The following CLNK variants were observed in gnomAD, a reference collection of about 807,000 sequenced individuals.
The protein encoded by CLNK is cytokine dependent hematopoietic cell linker.
A neutral mutation model predicts 68.6 loss-of-function variants in CLNK; 74 were observed. The observed-to-expected ratio is 1.08, with a 90% CI of 0.89 to 1.31. CLNK has a LOEUF of 1.31. Ranked by LOEUF, CLNK falls within the 50% of genes most tolerant of loss-of-function variation. CLNK has a pLI of 0.00. For synonymous variants in CLNK, 198 were observed against 172.2 expected, an observed-to-expected ratio of 1.15 and a Z score of -1.17; for missense variants, 553 against 515.3, an observed-to-expected ratio of 1.07 and a Z score of -0.71.
the CLNK span, among the ~76,000 whole-genome samples, chr4:10,697,843 C>CT: frequency 6.6e-6 from 1 of 152,136 alleles, no homozygotes; most frequent in Non-Finnish European, 1.5e-5. Context: ...CTTGCCTTTG[C>CT]TTTTTTGAAT....
At chr4:10,724,896 C>T in the CLNK span, among the ~76,000 whole-genome samples, 64,977 of 151,980 alleles carry the variant, frequency 0.43, 14,718 homozygotes, top group Middle Eastern at 0.57. Flanking sequence ...GAAGAGAAAG[C>T]CTATTTAATC....
intron 2 of CLNK, among the ~76,000 whole-genome samples, chr4:10,650,853 GA>G (rs530417029): frequency 2.7e-5 from 4 of 148,350 alleles, no homozygotes; most frequent in East Asian, 3.9e-4. Context: ...AAATTTACAA[GA>G]AAAAAAAACA....
intron 1 of CLNK, among the ~76,000 whole-genome samples, chr4:10,670,726 T>C (rs985574693): frequency 5.3e-5 from 8 of 152,114 alleles, no homozygotes. Context: ...AAAAATACAA[T>C]CCATCAATAT....
At chr4:10,632,197 C>T (rs557742457) in intron 2 of CLNK, among the ~76,000 whole-genome samples, 9 of 152,324 alleles carry the variant, frequency 5.9e-5, no homozygotes, top group African/African-American at 2.2e-4. Context: ...TACGAGTGTC[C>T]AGGCATCGTC....
chr4:10,606,136 G>C (rs1186607130), intron 2 of CLNK, among the ~76,000 whole-genome samples: 5 of 152,026 alleles, frequency 3.3e-5, no homozygotes, highest in Non-Finnish European at 7.4e-5. Context: ...ACATTGTATA[G>C]CTGTACGAAG....
chr4:10,638,523 G>C (rs1336528622), intron 2 of CLNK, among the ~76,000 whole-genome samples: 1 of 152,186 alleles, frequency 6.6e-6, no homozygotes, highest in African/African-American at 2.4e-5. Context: ...ATTAAATATA[G>C]ACTCTGTGAA....
chr4:10,699,512 A>ATATATATATATATTTTTT, the CLNK span, among the ~76,000 whole-genome samples: 4 of 32,746 alleles, frequency 1.2e-4, no homozygotes, highest in Non-Finnish European at 2.3e-4. Context: ...ATATATATAT[A>ATATATATATATATTTTTT]TTTTTTTTTT....
chr4:10,602,906 G>C (rs1019641153), intron 2 of CLNK, among the ~76,000 whole-genome samples: 1 of 152,202 alleles, frequency 6.6e-6, no homozygotes, highest in Non-Finnish European at 1.5e-5. Flanking sequence ...ACCAGTGAGG[G>C]GTTGAATTTG....
intron 15 of CLNK, among the ~76,000 whole-genome samples, chr4:10,518,624 C>G (rs7687349): frequency 0.99 from 151,214 of 152,342 alleles, 75,068 homozygotes; most frequent in East Asian, 1. Flanking sequence ...ATTTTTTTCT[C>G]TCCTGAGATC....
chr4:10,693,668 C>A, the CLNK span, among the ~76,000 whole-genome samples: 1 of 152,142 alleles, frequency 6.6e-6, no homozygotes, highest in African/African-American at 2.4e-5. Flanking sequence ...TTCCAGCAGC[C>A]CTAAGTGCCT....
the CLNK span, among the ~76,000 whole-genome samples, chr4:10,732,660 A>G: frequency 1.2e-4 from 18 of 152,044 alleles, no homozygotes; most frequent in African/African-American, 4.1e-4. Flanking sequence ...GTGAGAATTG[A>G]TGAATTAAGA....
At chr4:10,527,113 C>T (rs1718352187) in intron 13 of CLNK, among the ~76,000 whole-genome samples, 1 of 152,310 alleles carries the variant, frequency 6.6e-6, no homozygotes, top group East Asian at 1.9e-4. Flanking sequence ...AATAGCGACC[C>T]AGAGTATCTG....
At chr4:10,657,626 G>T (rs143253959) in intron 2 of CLNK, among the ~76,000 whole-genome samples, 1 of 152,134 alleles carries the variant, frequency 6.6e-6, no homozygotes, top group Non-Finnish European at 1.5e-5. Context: ...TATAATTTCC[G>T]TTATTCACAG....
intron 2 of CLNK, among the ~76,000 whole-genome samples, chr4:10,637,357 G>A (rs1348548495): frequency 2.0e-5 from 3 of 151,472 alleles, no homozygotes; most frequent in Admixed American, 1.3e-4. Flanking sequence ...GAAGATATCT[G>A]CCCTGGAGAA....
chr4:10,677,775 A>G (rs2108900949), intron 1 of CLNK, among the ~76,000 whole-genome samples: 1 of 152,178 alleles, frequency 6.6e-6, no homozygotes, highest in East Asian at 1.9e-4. Context: ...TCTTTCCGTT[A>G]TAAACTACTC....
chr4:10,720,711 A>G, the CLNK span, among the ~76,000 whole-genome samples: 1 of 103,778 alleles, frequency 9.6e-6, no homozygotes, highest in African/African-American at 2.9e-5. Context: ...AAATGCTGAC[A>G]AGGATATGTT....
chr4:10,621,200 G>A (rs551253406), intron 2 of CLNK, among the ~76,000 whole-genome samples: 1 of 152,298 alleles, frequency 6.6e-6, no homozygotes, highest in South Asian at 2.1e-4. Flanking sequence ...TCAAAGCCCA[G>A]GACGTTTTTC....
chr4:10,628,383 A>C (rs1298552400), intron 2 of CLNK, among the ~76,000 whole-genome samples: 6 of 151,654 alleles, frequency 4.0e-5, no homozygotes, highest in African/African-American at 1.5e-4. Flanking sequence ...TACATTCAAA[A>C]CTCAGATGAA....
Position 10,612,859 on chromosome 4 carries a change from T to C in CLNK, c.12-14810A>G, listed in dbSNP as rs188386305. ...TAATAGCAGCATTTGGCATCGAAGGTGTTTAGGTTTTGCTACATATTGAGA... is the reference window on the plus strand; with the variant it reads ...TAATAGCAGCATTTGGCATCGAAGGCGTTTAGGTTTTGCTACATATTGAGA... On this transcript the variant is annotated intron_variant, in intron 2 of 18. Transcript: ENST00000226951. 1.4e-4 allele frequency among the ~76,000 whole-genome samples: 22 copies of C among 152,296 alleles called. No homozygotes were observed. In the South Asian group the frequency reaches 1.9e-3, roughly 13 times the overall value.
Sources: gnomAD v4.1 joint callset for allele counts (sites outside exome capture counted in the v4.1 genomes callset) on GRCh38, gnomAD v4.1.1 for gene constraint, MANE v1.5 for transcripts, NCBI Gene and HGNC (gene_info 2026-07-23, HGNC 2026-07-21) for gene names.